The following TUBGCP5 variants were observed in gnomAD, a reference collection of about 807,000 sequenced individuals.
The protein encoded by TUBGCP5 is gamma-tubulin complex component 5.
Under a neutral mutation model 134.7 loss-of-function variants are expected in TUBGCP5, and 98 were observed. The observed-to-expected ratio is 0.73, with a 90% CI of 0.62 to 0.86. The LOEUF (loss-of-function observed/expected upper bound fraction) is 0.86. Ranked by LOEUF, TUBGCP5 falls within the 40% of genes least tolerant of loss-of-function variation. The probability of loss-of-function intolerance (pLI) is 0.00; values close to 1 mark genes in which losing one functional copy is unlikely to be tolerated. For synonymous variants in TUBGCP5, 456 were observed against 431.4 expected (o/e 1.06, Z -0.71); for missense variants, 1,150 against 1,244.8 (o/e 0.92, Z 1.15).
chr15:23,027,826 TAA>T (rs199774830), intron 6 of TUBGCP5, among the ~76,000 whole-genome samples: 3 of 137,876 alleles, frequency 2.2e-5, no homozygotes. Flanking sequence ...GACTAGAAAG[TAA>T]AAAAAAAAAA....
intron 9 of TUBGCP5, 139 bp downstream of exon 9, chr15:23,024,598 T>C (rs2065888653): frequency 1.8e-6 from 1 of 549,300 alleles, no homozygotes; most frequent in African/African-American, 2.0e-5. Context: ...ATTAAATATT[T>C]TTAAGTTAGC....
At chr15:23,003,645 T>TG in intron 20 of TUBGCP5, among the ~76,000 whole-genome samples, 1 of 117,410 alleles carries the variant, frequency 8.5e-6, no homozygotes, top group African/African-American at 3.2e-5. Flanking sequence ...TTTTTTTTTT[T>TG]TTTTTTTTTT....
intron 13 of TUBGCP5, among the ~76,000 whole-genome samples, chr15:23,014,406 G>GCCTGCATACTGGGCCTGCCAAACAGC (rs1169874245): frequency 1.3e-5 from 2 of 152,222 alleles, no homozygotes; most frequent in Non-Finnish European, 2.9e-5. Context: ...GCGGCCACAG[G>GCCTGCATACTGGGCCTGCCAAACAGC]CCTGCATACT....
rs1482546738 is a variant in TUBGCP5 at position 23,011,339 on chromosome 15, A to G, written c.1757-8T>C. On this transcript the variant is annotated splice_region_variant and splice_polypyrimidine_tract_variant and intron_variant, in intron 13 of 22. Coordinates refer to ENST00000615383, the MANE Select transcript of TUBGCP5 (RefSeq NM_052903.6). ...AACTTTTTCTTTCTGCATCTGAAAC[A>G]TAAAGAAATATGTAAGGTGAACTAA... 2 of 1,604,464 alleles carry G rather than the reference A, an allele frequency of 1.2e-6. No homozygotes were observed. Among genetic ancestry groups the G allele is most frequent in the Non-Finnish European group, 1.7e-6 (2 of 1,173,340 alleles).
rs1555430355 is a variant in TUBGCP5, at chr15:22,986,147, A to ATAAT, written c.*62-2537_*62-2536insATTA. On this transcript the variant is annotated intron_variant and NMD_transcript_variant, in intron 23 of 23. Transcript: ENST00000614508. ...AGACTCTGTCTCAAAAAAAAAAAAA[A>ATAAT]AATAATAATAATAATAAAATAAAAA... Among the ~76,000 whole-genome samples the ATAAT allele has an allele frequency of 4.5e-3, 596 of 132,726 alleles. 6 individuals carry two copies. The highest frequency in any genetic ancestry group is 4.5e-3 in the Non-Finnish European group (282 of 62,416). 87.1% of individuals were successfully genotyped at this position (132,726 alleles called of 152,430 possible). A position where few individuals can be genotyped will look rare whatever the true frequency, so the allele number is the denominator to read the frequency against.
rs780801146 is a variant in TUBGCP5, at chr15:23,006,343, T to C, written c.2337A>G (p.Ile779Met). Reference sequence around the variant, plus strand: ...TAGCTGTGTCAACATTTTCAAAAGATATAGATAGACTAAAGAAAGAAATTC... The same window carrying C: ...TAGCTGTGTCAACATTTTCAAAAGACATAGATAGACTAAAGAAAGAAATTC... The part of the protein sequence containing the change: ...RYPEDSSRLS[I>M]SFENVDTAKK... The change falls in exon 17 of 23, where the codon ATA (isoleucine) becomes ATG (methionine). Residue 779 changes from isoleucine to methionine, a missense_variant. Transcript: ENST00000615383. The C allele has an allele frequency of 6.2e-6, 10 of 1,600,992 alleles. No homozygotes were observed. In the Admixed American group the frequency reaches 1.1e-4, roughly 17 times the overall value.
chr15:23,038,647 C>G (rs1331570181), intron 1 of TUBGCP5, among the ~76,000 whole-genome samples: 2 of 152,074 alleles, frequency 1.3e-5, no homozygotes, highest in Non-Finnish European at 2.9e-5. Flanking sequence ...AAGATTTTTA[C>G]TGAAATTAAA....
chr15:22,991,792 T>C (rs1461981969), intron 23 of TUBGCP5, among the ~76,000 whole-genome samples: 1 of 151,842 alleles, frequency 6.6e-6, no homozygotes, highest in Non-Finnish European at 1.5e-5. Flanking sequence ...AATGCTTATT[T>C]AGACAAAGGT....
intron 3 of TUBGCP5, among the ~76,000 whole-genome samples, chr15:23,036,591 C>CT (rs1178840686): frequency 6.6e-6 from 1 of 151,892 alleles, no homozygotes; most frequent in Non-Finnish European, 1.5e-5. Flanking sequence ...ACAGTCACTG[C>CT]CAAGTGCTGA....
At position 23,022,077 on chromosome 15, in the gene TUBGCP5, G is replaced by A. The variant is rs2065734321; in HGVS notation, c.1253C>T (p.Thr418Ile). ...QLKVLHKVFS[T>I]GVAEVPPDTR... ...ATCAGGTGGAACTTCTGCTACTCCAGTACTAAACACTTTGTGCAGAACCTT... is the reference window on the plus strand; with the variant it reads ...ATCAGGTGGAACTTCTGCTACTCCAATACTAAACACTTTGTGCAGAACCTT... The change falls in exon 11 of 23, where the codon ACT (threonine) becomes ATT (isoleucine). Residue 418 changes from threonine to isoleucine, a missense_variant. Transcript: ENST00000615383. 10 of 1,614,210 alleles carry A rather than the reference G, an allele frequency of 6.2e-6. No homozygotes were observed. Among genetic ancestry groups the A allele is most frequent in the East Asian group, 4.5e-5 (2 of 44,884 alleles).
intron 11 of TUBGCP5, among the ~76,000 whole-genome samples, chr15:23,020,646 G>C (rs34728824): frequency 0.092 from 13,435 of 145,668 alleles, 1,066 homozygotes; most frequent in East Asian, 0.46. Context: ...GTGAAAAAAA[G>C]TTATACCAAC....
intron 8 of TUBGCP5, 94 bp downstream of exon 8, chr15:23,026,022 T>C: frequency 1.0e-6 from 1 of 961,160 alleles, no homozygotes; most frequent in Non-Finnish European, 1.6e-6. Flanking sequence ...CTAGTTTGCA[T>C]GTGAAAATGC....
chr15:23,039,098 G>C (rs1447106386), intron 1 of TUBGCP5, among the ~76,000 whole-genome samples: 1 of 152,018 alleles, frequency 6.6e-6, no homozygotes, highest in Non-Finnish European at 1.5e-5. Context: ...GTCCCGCCTG[G>C]GCCTCCCAGA....
At chr15:22,997,328 C>T (rs948405529), downstream of TUBGCP5, among the ~76,000 whole-genome samples, 6 of 150,930 alleles carry the variant, frequency 4.0e-5, no homozygotes, top group Admixed American at 6.6e-5. Context: ...TACAGGTGTG[C>T]GCCACCACGC....
At chr15:23,025,282 T>A (rs990319234) in intron 8 of TUBGCP5, among the ~76,000 whole-genome samples, 1 of 152,198 alleles carries the variant, frequency 6.6e-6, no homozygotes, top group African/African-American at 2.4e-5. Context: ...AATCTTTTCA[T>A]CTGATTACCC....
At chr15:23,018,902 C>G (rs112445744) in intron 12 of TUBGCP5, among the ~76,000 whole-genome samples, 2 of 152,204 alleles carry the variant, frequency 1.3e-5, no homozygotes, top group African/African-American at 4.8e-5. Context: ...ATAGCTGAAA[C>G]CATATGATAT....
intron 22 of TUBGCP5, 99 bp downstream of exon 22, chr15:23,000,470 A>G: frequency 6.5e-7 from 1 of 1,528,216 alleles, no homozygotes; most frequent in Non-Finnish European, 8.8e-7. Context: ...AAATGGTGAG[A>G]ATTTCTAATT....
chr15:23,022,006 T>C lies in TUBGCP5; in HGVS notation c.1324A>G (p.Lys442Glu). ...ACATTGTCATATTCAAGAATGGCCTTGTACAGGGTGTTAAGCAGGTGAGAG... is the reference window on the plus strand; with the variant it reads ...ACATTGTCATATTCAAGAATGGCCTCGTACAGGGTGTTAAGCAGGTGAGAG... ...RASHLLNTLY[K>E]AILEYDNVGE... The change falls in exon 11 of 23, where the codon AAG becomes GAG. Residue 442 changes from lysine to glutamate, a missense_variant. Transcript: ENST00000615383. The C allele has an allele frequency of 1.9e-6, 3 of 1,614,160 alleles. No individual in the cohort carries two copies. The highest frequency in any genetic ancestry group is 2.5e-6 in the Non-Finnish European group (3 of 1,180,024).
At chr15:22,986,257 TGG>T (rs949938056) in intron 23 of TUBGCP5, among the ~76,000 whole-genome samples, 1 of 152,028 alleles carries the variant, frequency 6.6e-6, no homozygotes, top group African/African-American at 2.4e-5. Context: ...GGTGCCACTA[TGG>T]AAAACAATAT....
Sources: allele counts gnomAD v4.1 joint callset (sites outside exome capture counted in the v4.1 genomes callset), GRCh38; gene constraint gnomAD v4.1.1; transcripts MANE v1.5; gene names NCBI Gene and HGNC (gene_info 2026-07-23, HGNC 2026-07-21).